Variants in SND1 observed in about 807,000 individuals in gnomAD.
The protein encoded by SND1 is staphylococcal nuclease and tudor domain containing 1.
In SND1, 38 loss-of-function variants were observed where a neutral mutation model predicts 121.7. That is an observed-to-expected ratio of 0.31 (90% CI 0.24 to 0.41). SND1 has a LOEUF of 0.41. Among genes scored for constraint, SND1 ranks in the 10% least tolerant of loss-of-function variants. The probability of loss-of-function intolerance (pLI) is 1.00; values close to 1 mark genes in which losing one functional copy is unlikely to be tolerated. For synonymous variants in SND1, 401 were observed against 447.4 expected (o/e 0.90, Z 1.31); for missense variants, 868 against 1,184.6 (o/e 0.73, Z 3.92).
chr7:127,854,289 T>C (rs1458123838), intron 12 of SND1, among the ~76,000 whole-genome samples: 1 of 152,030 alleles, frequency 6.6e-6, no homozygotes, highest in Non-Finnish European at 1.5e-5. Context: ...CCACCACGCC[T>C]GGCTGATTTT....
At chr7:127,663,667 C>T (rs918636758) in intron 1 of SND1, among the ~76,000 whole-genome samples, 3 of 152,152 alleles carry the variant, frequency 2.0e-5, no homozygotes, top group Admixed American at 1.3e-4. Flanking sequence ...TGAGCCACCA[C>T]GCCTGGCCTT....
At chr7:127,673,720 C>T (rs1256327850) in intron 1 of SND1, among the ~76,000 whole-genome samples, 1 of 152,194 alleles carries the variant, frequency 6.6e-6, no homozygotes, top group African/African-American at 2.4e-5. Context: ...ACTTTCTCTT[C>T]CACATTTTTT....
At position 127,695,706 on chromosome 7, in the gene SND1, G is replaced by C. The variant is rs372952612; in HGVS notation, c.349+758G>C. ...CCAGGCGTGGTGGCGCACGCCTGTA[G>C]TCGTAGCTACTCGGGAGGCTGAGGT... On this transcript the variant is annotated intron_variant, in intron 3 of 23. Coordinates refer to ENST00000354725, the MANE Select transcript of SND1 (RefSeq NM_014390.4). Among the ~76,000 whole-genome samples the C allele has an allele frequency of 7.9e-5, 12 of 152,284 alleles. No homozygotes were observed. In the East Asian group the frequency reaches 2.3e-3, roughly 29 times the overall value.
chr7:127,705,407 T>C (rs1462418513), intron 8 of SND1, among the ~76,000 whole-genome samples: 1 of 152,234 alleles, frequency 6.6e-6, no homozygotes, highest in Non-Finnish European at 1.5e-5. Context: ...CCCTAACTTA[T>C]TTAAAAGTGT....
chr7:127,680,632 G>C (rs1029808498), intron 1 of SND1, among the ~76,000 whole-genome samples: 1 of 151,874 alleles, frequency 6.6e-6, no homozygotes, highest in African/African-American at 2.4e-5. Context: ...TCTCTCTCTT[G>C]TTCCCTGAAC....
Position 127,652,366 on chromosome 7 carries a change from C to T in SND1, c.-8C>T, listed in dbSNP as rs1017189596. The T allele has an allele frequency of 8.2e-6, 13 of 1,593,480 alleles. No homozygotes were observed. Among genetic ancestry groups the T allele is most frequent in the African/African-American group, 8.0e-5 (6 of 74,746 alleles). ...GCCGCTCCACTCGTTGCCTTTGCAT[C>T]TCCACACATGGCGTCCTCCGCGCAG... On this transcript the variant is annotated 5_prime_UTR_variant, in exon 1 of 24. Transcript: ENST00000354725.
chr7:127,721,205 C>T, intron 9 of SND1, 82 bp from the exon 10 acceptor site: 1 of 823,690 alleles, frequency 1.2e-6, no homozygotes, highest in Non-Finnish European at 2.1e-6. Context: ...CACTTTCTAC[C>T]TGTGAGGGTG....
At chr7:127,934,105 C>G (rs1310276850) in intron 15 of SND1, among the ~76,000 whole-genome samples, 1 of 152,148 alleles carries the variant, frequency 6.6e-6, no homozygotes, top group African/African-American at 2.4e-5. Flanking sequence ...AGGTGGACAT[C>G]AGAGAACACC....
chr7:127,740,684 G>C (rs938330055), intron 10 of SND1, among the ~76,000 whole-genome samples: 1 of 152,136 alleles, frequency 6.6e-6, no homozygotes, highest in South Asian at 2.1e-4. Flanking sequence ...CCAAGGGGGT[G>C]GGGGGTGGTC....
chr7:127,856,142 A>G (rs1245093758), intron 12 of SND1, among the ~76,000 whole-genome samples: 1 of 152,224 alleles, frequency 6.6e-6, no homozygotes, highest in Non-Finnish European at 1.5e-5. Flanking sequence ...AGTAATGGAT[A>G]TGCATGAGTA....
At chr7:127,680,399 G>A (rs1040409733) in intron 1 of SND1, among the ~76,000 whole-genome samples, 65 of 152,150 alleles carry the variant, frequency 4.3e-4, no homozygotes, top group African/African-American at 1.4e-3. Flanking sequence ...GCCTGGGAGC[G>A]CTATGGGAGA....
chr7:127,850,030 A>C (rs963580910), intron 12 of SND1, among the ~76,000 whole-genome samples: 3 of 152,228 alleles, frequency 2.0e-5, no homozygotes, highest in African/African-American at 7.2e-5. Flanking sequence ...GAACCAGACT[A>C]TTAAATTTGC....
chr7:127,903,719 A>T (rs1488534933), intron 13 of SND1, among the ~76,000 whole-genome samples: 1 of 152,166 alleles, frequency 6.6e-6, no homozygotes, highest in African/African-American at 2.4e-5. Flanking sequence ...ACCCCTGCAG[A>T]AGTGTGTCCT....
At chr7:128,028,391 A>G (rs893639370) in intron 16 of SND1, 13 of 311,642 alleles carry the variant, frequency 4.2e-5, no homozygotes, top group Non-Finnish European at 4.7e-5. Context: ...AGCAATTTCA[A>G]CCTTATACCA....
chr7:127,991,137 T>G, intron 16 of SND1, 81 bp downstream of exon 16: 1 of 958,696 alleles, frequency 1.0e-6, no homozygotes, highest in Non-Finnish European at 1.6e-6. Context: ...CAGAGATCAG[T>G]CTGTTGTTTT....
intron 8 of SND1, among the ~76,000 whole-genome samples, 199 bp downstream of exon 8, chr7:127,705,144 T>TAA (rs539596688): frequency 2.6e-5 from 4 of 152,236 alleles, no homozygotes; most frequent in African/African-American, 9.6e-5. Flanking sequence ...GGTAAGGACT[T>TAA]ACAGTTTTCA....
intron 10 of SND1, among the ~76,000 whole-genome samples, chr7:127,754,293 G>T (rs1385535228): frequency 6.6e-6 from 1 of 152,094 alleles, no homozygotes; most frequent in Admixed American, 6.5e-5. Context: ...AGATCCTATT[G>T]TGCCTCTCTG....
At chr7:127,794,075 A>C (rs1009440311) in intron 10 of SND1, among the ~76,000 whole-genome samples, 1 of 152,136 alleles carries the variant, frequency 6.6e-6, no homozygotes, top group Non-Finnish European at 1.5e-5. Flanking sequence ...TAAATGTTGA[A>C]GTTTTCTGAT....
intron 8 of SND1, 112 bp downstream of exon 8, chr7:127,705,057 T>TA: frequency 1.2e-6 from 1 of 861,120 alleles, no homozygotes; most frequent in Non-Finnish European, 1.9e-6. Context: ...TTTACTTCAG[T>TA]AAAGGAGTAG....
Sources: allele counts gnomAD v4.1 joint callset (sites outside exome capture counted in the v4.1 genomes callset), GRCh38; gene constraint gnomAD v4.1.1; transcripts MANE v1.5; gene names NCBI Gene and HGNC (gene_info 2026-07-23, HGNC 2026-07-21).